The following AK5 variants were observed in gnomAD, a reference collection of about 807,000 sequenced individuals.
The protein encoded by AK5 is adenylate kinase 5, also known as adenylate kinase isoenzyme 5.
Under a neutral mutation model 69.5 loss-of-function variants are expected in AK5, and 27 were observed. That is an observed-to-expected ratio of 0.39 (90% confidence interval 0.29 to 0.54). AK5 has a LOEUF of 0.54. AK5 is among the 20% of genes least tolerant of loss of function. The pLI is 0.71. For synonymous variants in AK5, 260 were observed against 244.4 expected, an observed-to-expected ratio of 1.06 and a Z score of -0.60; for missense variants, 531 against 700.4, an observed-to-expected ratio of 0.76 and a Z score of 2.73.
At chr1:77,535,469 G>A (rs1442605020) in intron 12 of AK5, among the ~76,000 whole-genome samples, 1 of 152,136 alleles carries the variant, frequency 6.6e-6, no homozygotes, top group East Asian at 1.9e-4. Context: ...GTGGCTTGAA[G>A]GAGAAGTGAT....
At chr1:77,474,647 C>G (rs769160189) in intron 8 of AK5, among the ~76,000 whole-genome samples, 7 of 152,138 alleles carry the variant, frequency 4.6e-5, no homozygotes, top group Non-Finnish European at 1.0e-4. Context: ...AAGGAGTTGT[C>G]AGTCCCTTAA....
chr1:77,444,171 C>G (rs533663366), intron 8 of AK5, among the ~76,000 whole-genome samples: 1 of 141,602 alleles, frequency 7.1e-6, no homozygotes, highest in Non-Finnish European at 1.5e-5. Flanking sequence ...CTCACTCTCT[C>G]TCTATATATA....
At chr1:77,489,859 A>T (rs1322973270) in intron 10 of AK5, among the ~76,000 whole-genome samples, 1 of 152,158 alleles carries the variant, frequency 6.6e-6, no homozygotes, top group Non-Finnish European at 1.5e-5. Context: ...CTTTGGCTCC[A>T]GCCACACCTG....
At chr1:77,438,279 A>G (rs1285247918) in intron 8 of AK5, among the ~76,000 whole-genome samples, 1 of 111,422 alleles carries the variant, frequency 9.0e-6, no homozygotes, top group Admixed American at 1.2e-4. Context: ...TTTTGTTTTA[A>G]CCCTATATTT....
chr1:77,533,247 G>A (rs1208184072), intron 12 of AK5, among the ~76,000 whole-genome samples: 1 of 152,010 alleles, frequency 6.6e-6, no homozygotes, highest in East Asian at 1.9e-4. Context: ...TGGGTGCGGT[G>A]GCTCACACCT....
chr1:77,390,750 T>G (rs746944931), intron 6 of AK5, among the ~76,000 whole-genome samples: 19 of 152,340 alleles, frequency 1.2e-4, no homozygotes, highest in South Asian at 4.1e-4. Context: ...TTACATCTTT[T>G]TATGTATATA....
chr1:77,526,401 G>A (rs967370785), intron 12 of AK5, among the ~76,000 whole-genome samples: 1 of 151,230 alleles, frequency 6.6e-6, no homozygotes, highest in Non-Finnish European at 1.5e-5. Flanking sequence ...GAAGAGCTCT[G>A]AGAGACCCTC....
At chr1:77,310,483 C>T (rs1458188123) in intron 5 of AK5, among the ~76,000 whole-genome samples, 1 of 152,026 alleles carries the variant, frequency 6.6e-6, no homozygotes, top group East Asian at 1.9e-4. Flanking sequence ...GGGTTCACGC[C>T]ACTCTCCCGC....
intron 8 of AK5, among the ~76,000 whole-genome samples, chr1:77,472,789 C>CTGAGGTGAGAG (rs1553154496): frequency 4.1e-3 from 612 of 150,448 alleles, no homozygotes; most frequent in South Asian, 7.6e-3. Flanking sequence ...ACTGATGAGG[C>CTGAGGTGAGAG]AATTCTTCTG....
chr1:77,339,645 T>C (rs955688637), intron 5 of AK5, among the ~76,000 whole-genome samples: 3 of 27,108 alleles, frequency 1.1e-4, no homozygotes, highest in Admixed American at 7.5e-4. Flanking sequence ...TAGCAATATC[T>C]TTTTTTTTTT....
At chr1:77,413,937 C>T (rs774802845) in intron 7 of AK5, among the ~76,000 whole-genome samples, 24 of 152,202 alleles carry the variant, frequency 1.6e-4, no homozygotes, top group Non-Finnish European at 3.1e-4. Flanking sequence ...CAAATACCGT[C>T]AGAATATTTT....
At chr1:77,368,263 T>TATATATAATATATATA (rs1647048579) in intron 6 of AK5, among the ~76,000 whole-genome samples, 1 of 104,288 alleles carries the variant, frequency 9.6e-6, no homozygotes, top group Non-Finnish European at 2.0e-5. Flanking sequence ...AATATATATG[T>TATATATAATATATATA]TATATATATG....
intron 7 of AK5, among the ~76,000 whole-genome samples, chr1:77,413,740 T>C (rs1650201560): frequency 1.3e-5 from 2 of 152,208 alleles, no homozygotes; most frequent in Non-Finnish European, 2.9e-5. Flanking sequence ...TGAGGGCTCA[T>C]GGGGAGAAAC....
intron 8 of AK5, among the ~76,000 whole-genome samples, chr1:77,469,605 T>C (rs1289106105): frequency 1.1e-4 from 17 of 152,316 alleles, no homozygotes; most frequent in Non-Finnish European, 1.5e-5. Flanking sequence ...TCTGTATCTC[T>C]GTGGAACCCT....
chr1:77,283,775 A>G (rs1383585435), intron 1 of AK5, among the ~76,000 whole-genome samples: 3 of 152,188 alleles, frequency 2.0e-5, no homozygotes, highest in Admixed American at 6.5e-5. Flanking sequence ...TTCAAAAAGT[A>G]AATATGGAAA....
intron 12 of AK5, among the ~76,000 whole-genome samples, chr1:77,526,833 A>T (rs983443701): frequency 4.0e-5 from 6 of 151,710 alleles, no homozygotes; most frequent in African/African-American, 1.5e-4. Flanking sequence ...TGAAACCCTC[A>T]AATGATCGAG....
intron 10 of AK5, among the ~76,000 whole-genome samples, chr1:77,498,928 G>C (rs1397339457): frequency 6.6e-6 from 1 of 152,230 alleles, no homozygotes; most frequent in African/African-American, 2.4e-5. Flanking sequence ...CCTACAACCA[G>C]CTGTAGTTGG....
intron 5 of AK5, among the ~76,000 whole-genome samples, chr1:77,313,143 A>G (rs1365905215): frequency 6.6e-6 from 1 of 152,066 alleles, no homozygotes; most frequent in Non-Finnish European, 1.5e-5. Context: ...TGTTTCTACA[A>G]TAGTATTTAT....
intron 8 of AK5, among the ~76,000 whole-genome samples, chr1:77,447,765 A>G (rs376994659): frequency 7.2e-5 from 11 of 152,252 alleles, no homozygotes; most frequent in Non-Finnish European, 1.2e-4. Flanking sequence ...GGAGCCTTAA[A>G]AGACAGGAAA....
Sources: gnomAD v4.1 joint callset for allele counts (sites outside exome capture counted in the v4.1 genomes callset) on GRCh38, gnomAD v4.1.1 for gene constraint, MANE v1.5 for transcripts, NCBI Gene and HGNC (gene_info 2026-07-23, HGNC 2026-07-21) for gene names.